The following NOL4 variants were observed in gnomAD, a reference collection of about 807,000 sequenced individuals.
NOL4 encodes nucleolar protein 4.
NOL4 carries 17 observed loss-of-function variants against 75.9 expected under a neutral mutation model. That is an observed-to-expected ratio of 0.22 (90% CI 0.15 to 0.34). The LOEUF (loss-of-function observed/expected upper bound fraction) is 0.34. Among genes scored for constraint, NOL4 ranks in the 10% least tolerant of loss-of-function variants. The pLI, the probability that NOL4 is intolerant of heterozygous loss-of-function variation, is 1.00. For missense variants in NOL4, 614 were observed against 793.5 expected, an observed-to-expected ratio of 0.77 and a Z score of 2.72; for synonymous variants, 292 against 289.9, an observed-to-expected ratio of 1.01 and a Z score of -0.07.
chr18:34,008,008 C>A (rs2074136078), intron 6 of NOL4, among the ~76,000 whole-genome samples: 1 of 151,962 alleles, frequency 6.6e-6, no homozygotes, highest in Non-Finnish European at 1.5e-5. Context: ...AAGAGATTAG[C>A]ATTTGAATTG....
At chr18:34,108,174 G>A (rs778891528) in intron 2 of NOL4, among the ~76,000 whole-genome samples, 6 of 151,952 alleles carry the variant, frequency 3.9e-5, no homozygotes, top group Non-Finnish European at 5.9e-5. Flanking sequence ...TAAGTGCTAT[G>A]GTAACCACAA....
At position 34,083,780 on chromosome 18, in the gene NOL4, A is replaced by T. The variant is rs150057723; in HGVS notation, c.772+9685T>A. Among the ~76,000 whole-genome samples the T allele has an allele frequency of 2.3e-3, 343 of 152,292 alleles. 3 individuals carry two copies. Among genetic ancestry groups the T allele is most frequent in the African/African-American group, 7.7e-3 (322 of 41,564 alleles). On this transcript the variant is annotated intron_variant, in intron 5 of 10. Coordinates refer to ENST00000261592, the MANE Select transcript of NOL4 (RefSeq NM_003787.5). ...ACTAATTATTTTATTGCTTCATAGT[A>T]GATTGTGGTTGTAGAAAAGGAAGAA...
chr18:34,098,051 G>GT (rs963303503), intron 4 of NOL4, among the ~76,000 whole-genome samples: 7 of 151,782 alleles, frequency 4.6e-5, no homozygotes, highest in African/African-American at 9.7e-5. Context: ...GGAGGTTGGG[G>GT]TTTTTTTTAT....
chr18:33,886,388 C>T (rs947447457), intron 9 of NOL4, among the ~76,000 whole-genome samples: 13 of 151,286 alleles, frequency 8.6e-5, no homozygotes, highest in East Asian at 7.8e-4. Context: ...ATTAGCTGGG[C>T]GTGGTGGTGG....
chr18:34,153,952 C>G (rs2029877539), intron 1 of NOL4, among the ~76,000 whole-genome samples: 1 of 151,924 alleles, frequency 6.6e-6, no homozygotes, highest in Non-Finnish European at 1.5e-5. Context: ...ATAACTGGCC[C>G]AAACTTAATC....
At chr18:34,213,815 AAGAC>A (rs1450837684) in intron 1 of NOL4, among the ~76,000 whole-genome samples, 4 of 152,224 alleles carry the variant, frequency 2.6e-5, no homozygotes, top group Admixed American at 6.5e-5. Flanking sequence ...AAAATGGACT[AAGAC>A]AGGTATAAAA....
intron 9 of NOL4, among the ~76,000 whole-genome samples, chr18:33,899,762 G>C (rs1275287067): frequency 6.6e-6 from 1 of 152,116 alleles, no homozygotes; most frequent in African/African-American, 2.4e-5. Flanking sequence ...GTTTTACCCT[G>C]GGGTATCCTG....
At chr18:33,877,132 G>A (rs1023107423) in intron 10 of NOL4, among the ~76,000 whole-genome samples, 1 of 151,832 alleles carries the variant, frequency 6.6e-6, no homozygotes, top group Non-Finnish European at 1.5e-5. Flanking sequence ...TGATTAATCT[G>A]TTACTTTTGT....
chr18:33,876,970 C>T (rs993362527), intron 10 of NOL4, among the ~76,000 whole-genome samples: 5 of 152,052 alleles, frequency 3.3e-5, no homozygotes, highest in Non-Finnish European at 5.9e-5. Flanking sequence ...GACAAATTCT[C>T]TTTGGTTTGA....
intron 10 of NOL4, among the ~76,000 whole-genome samples, chr18:33,862,065 A>C (rs1426133981): frequency 1.2e-4 from 18 of 152,212 alleles, no homozygotes; most frequent in African/African-American, 4.3e-4. Flanking sequence ...CTGGTACCAA[A>C]ACAGAGATAT....
At chr18:34,206,387 G>T (rs1276519416) in intron 1 of NOL4, among the ~76,000 whole-genome samples, 6 of 152,012 alleles carry the variant, frequency 3.9e-5, no homozygotes, top group Admixed American at 3.9e-4. Flanking sequence ...AGATATCCTT[G>T]TAATATCATA....
intron 6 of NOL4, among the ~76,000 whole-genome samples, chr18:34,003,287 G>A (rs538609578): frequency 5.8e-4 from 88 of 152,098 alleles, no homozygotes; most frequent in African/African-American, 2.0e-3. Flanking sequence ...AATTATCTAT[G>A]TAGCTGTCTC....
Position 33,918,860 on chromosome 18 carries a change from G to A in NOL4, c.1542+24205C>T, listed in dbSNP as rs75926979. Among the ~76,000 whole-genome samples the A allele has an allele frequency of 7.8e-3, 1,183 of 152,082 alleles. 10 individuals carry two copies. Among genetic ancestry groups the A allele is most frequent in the African/African-American group, 0.027 (1,126 of 41,492 alleles). The stretch of plus-strand genomic sequence containing the variant: ...TATGAAGACAGTGCTAAATTCAAGA[G>A]CATTCAAATGTAACATTTTGCAACA... On this transcript the variant is annotated intron_variant, in intron 9 of 10. Transcript: ENST00000261592.
At chr18:34,165,017 C>A (rs1038005777) in intron 1 of NOL4, among the ~76,000 whole-genome samples, 2 of 149,506 alleles carry the variant, frequency 1.3e-5, no homozygotes, top group Non-Finnish European at 3.0e-5. Context: ...CGCATATTCT[C>A]ACTCATAGGT....
intron 5 of NOL4, 121 bp from the exon 6 acceptor site, chr18:34,019,722 T>C (rs138131738): frequency 1.6e-5 from 13 of 815,098 alleles, no homozygotes; most frequent in Admixed American, 5.6e-5. Context: ...ATGTAATTCA[T>C]CCTCAGCAAT....
intron 5 of NOL4, among the ~76,000 whole-genome samples, chr18:34,060,143 A>T (rs114861966): frequency 5.3e-5 from 8 of 152,342 alleles, no homozygotes; most frequent in African/African-American, 1.9e-4. Flanking sequence ...ATTAGCAATA[A>T]GTAATTATAA....
chr18:34,030,037 G>C (rs899699690), intron 5 of NOL4, among the ~76,000 whole-genome samples: 1 of 152,144 alleles, frequency 6.6e-6, no homozygotes, highest in South Asian at 2.1e-4. Flanking sequence ...CTATAATTCA[G>C]TGATTCTGTG....
Position 33,896,192 on chromosome 18 carries a change from G to A in NOL4, c.1543-12768C>T, listed in dbSNP as rs532231812. Among the ~76,000 whole-genome samples the A allele has an allele frequency of 3.3e-5, 5 of 152,172 alleles. No individual in the cohort carries two copies. In the East Asian group the frequency reaches 7.7e-4, roughly 24 times the overall value. On this transcript the variant is annotated intron_variant, in intron 9 of 10. Coordinates refer to ENST00000261592, the MANE Select transcript of NOL4 (RefSeq NM_003787.5). ...GAAAAACTTCTCATGCTCATGAATAGGAAGAATCAATATCATTAAAATGGC... is the reference window on the plus strand; with the variant it reads ...GAAAAACTTCTCATGCTCATGAATAAGAAGAATCAATATCATTAAAATGGC...
In NOL4 at chr18:34,223,152, T is replaced by C; in HGVS notation, c.102A>G (p.Glu34=). The part of the protein sequence containing the change: ...KTKTVTRKKY[E]RIVQLLNGSE... ...AGCCATTGAGGAGCTGGACGATCCG[T>C]TCGTATTTTTTACGGGTCACCGTCT... Residue 34 remains glutamate, a synonymous_variant, in exon 1 of 11, where the codon GAA becomes GAG. Transcript: ENST00000261592. 1 of 1,614,110 alleles carries C rather than the reference T, an allele frequency of 6.2e-7. No homozygotes were observed. Among genetic ancestry groups the C allele is most frequent in the Non-Finnish European group, 8.5e-7 (1 of 1,180,024 alleles).
Sources: allele counts gnomAD v4.1 joint callset (sites outside exome capture counted in the v4.1 genomes callset), GRCh38; gene constraint gnomAD v4.1.1; transcripts MANE v1.5; gene names NCBI Gene and HGNC (gene_info 2026-07-23, HGNC 2026-07-21).